PPP1R1C: variants seen among roughly 807,000 people sequenced by gnomAD.
PPP1R1C encodes protein phosphatase 1 regulatory inhibitor subunit 1C.
A neutral mutation model predicts 17.4 loss-of-function variants in PPP1R1C; 15 were observed. The observed-to-expected ratio is 0.86, with a 90% CI of 0.58 to 1.33. The LOEUF is 1.33. Among genes scored for constraint, PPP1R1C ranks in the 40% most tolerant of loss-of-function variants. PPP1R1C has a pLI of 0.00. For missense variants in PPP1R1C, 143 were observed against 130.0 expected (o/e 1.10, Z -0.48); for synonymous variants, 35 against 43.1 (o/e 0.81, Z 0.73).
At chr2:182,099,188 T>C (rs1010906851) in intron 4 of PPP1R1C, among the ~76,000 whole-genome samples, 11 of 152,218 alleles carry the variant, frequency 7.2e-5, no homozygotes, top group South Asian at 2.1e-4. Flanking sequence ...ACTCATGTAA[T>C]CTTCAGCAGC....
intron 2 of PPP1R1C, among the ~76,000 whole-genome samples, chr2:182,026,631 A>C (rs1014631060): frequency 6.6e-6 from 1 of 152,090 alleles, no homozygotes; most frequent in Non-Finnish European, 1.5e-5. Flanking sequence ...TATAGTTTGA[A>C]GTCAGGTAGT....
At chr2:181,993,764 T>C (rs533020042) in intron 2 of PPP1R1C, among the ~76,000 whole-genome samples, 1 of 152,260 alleles carries the variant, frequency 6.6e-6, no homozygotes, top group South Asian at 2.1e-4. Context: ...TTCCCTTAAC[T>C]CTTCAGTATG....
chr2:181,995,612 G>GA lies in PPP1R1C; in HGVS notation c.142+7719dup, dbSNP rs572840030. ...CAGTTGTTCAGTTTCAAATTTGATA[G>GA]AAAAAATTACTAACAGTTCTTTCTA... On this transcript the variant is annotated intron_variant, in intron 2 of 4. Coordinates refer to ENST00000682840, the MANE Select transcript of PPP1R1C (RefSeq NM_001080545.3). Among the ~76,000 whole-genome samples the GA allele has an allele frequency of 9.9e-5, 15 of 152,252 alleles. No individual in the cohort carries two copies. In the South Asian group the frequency reaches 2.7e-3, roughly 27 times the overall value.
chr2:182,023,904 G>C (rs1174565979), intron 2 of PPP1R1C: 1 of 151,994 alleles, frequency 6.6e-6, no homozygotes, highest in African/African-American at 2.4e-5. Flanking sequence ...TCAGAGTGCT[G>C]GGGTTACAGG....
chr2:182,056,234 G>A (rs887245964), intron 2 of PPP1R1C, among the ~76,000 whole-genome samples: 13 of 152,272 alleles, frequency 8.5e-5, no homozygotes, highest in African/African-American at 2.4e-4. Flanking sequence ...TCTTTCACAC[G>A]AAGTCAGTTC....
intron 4 of PPP1R1C, among the ~76,000 whole-genome samples, chr2:182,105,701 T>C (rs557872909): frequency 6.6e-6 from 1 of 152,314 alleles, no homozygotes; most frequent in African/African-American, 2.4e-5. Flanking sequence ...TATAGTCTGA[T>C]AGCAGGTGCT....
At chr2:181,973,544 A>C (rs758662412) in intron 1 of PPP1R1C, among the ~76,000 whole-genome samples, 10 of 152,250 alleles carry the variant, frequency 6.6e-5, no homozygotes, top group Non-Finnish European at 1.3e-4. Flanking sequence ...TAAGCAGAAG[A>C]AGCAAGACAG....
intron 2 of PPP1R1C, among the ~76,000 whole-genome samples, chr2:182,032,075 A>G (rs560167773): frequency 3.3e-5 from 5 of 152,220 alleles, no homozygotes; most frequent in Non-Finnish European, 5.9e-5. Flanking sequence ...TTTCCTAAAC[A>G]TTTAAATTTG....
chr2:182,121,041 T>C (rs1469393167), downstream of PPP1R1C, among the ~76,000 whole-genome samples: 5 of 152,208 alleles, frequency 3.3e-5, no homozygotes, highest in Non-Finnish European at 7.3e-5. Flanking sequence ...ACTTTACTTT[T>C]CACACAATTA....
chr2:181,987,916 TG>T lies in PPP1R1C; in HGVS notation c.142+18del. On this transcript the variant is annotated intron_variant, in intron 2 of 4. Coordinates refer to ENST00000682840, the MANE Select transcript of PPP1R1C (RefSeq NM_001080545.3). ...ACCCCCCAGGTAAAGAAGCATGATG[TG>T]TTTCACACTGATGGAACAGAATGGA... is the stretch of plus-strand genomic sequence containing the variant. The T allele has an allele frequency of 6.3e-7, 1 of 1,586,956 alleles. No homozygotes were observed. Among genetic ancestry groups the T allele is most frequent in the South Asian group, 1.1e-5 (1 of 89,950 alleles).
chr2:182,083,235 T>A (rs995451174), intron 4 of PPP1R1C, among the ~76,000 whole-genome samples: 7 of 152,226 alleles, frequency 4.6e-5, no homozygotes, highest in African/African-American at 1.7e-4. Flanking sequence ...AGGTTGAAAG[T>A]GAATTTTTTC....
intron 2 of PPP1R1C, among the ~76,000 whole-genome samples, chr2:182,007,446 A>G (rs1307160176): frequency 1.3e-5 from 2 of 152,244 alleles, no homozygotes; most frequent in Non-Finnish European, 1.5e-5. Flanking sequence ...CTAACATTTC[A>G]TAGCAGACAC....
intron 2 of PPP1R1C, among the ~76,000 whole-genome samples, chr2:182,023,026 G>C (rs181052270): frequency 6.6e-6 from 1 of 152,046 alleles, no homozygotes; most frequent in African/African-American, 2.4e-5. Flanking sequence ...ATAGTTTGTC[G>C]TATCAAAATA....
chr2:182,061,455 G>A lies in PPP1R1C; in HGVS notation c.156G>A (p.Lys52=), dbSNP rs1438275207. The change falls in exon 3 of 5, where the codon AAG becomes AAA. Residue 52 remains lysine (K), a synonymous_variant. Coordinates refer to ENST00000682840, the MANE Select transcript of PPP1R1C (RefSeq NM_001080545.3). ...NEHNPPEIDD[K]RGPNTQGELQ... ...CTTCTCTTACAGAAATAGATGACAA[G>A]AGGGGGCCCAACACACAAGGGGAAG... 2.0e-6 allele frequency: 3 copies of A among 1,475,086 alleles called. No homozygotes were observed. The highest frequency in any genetic ancestry group is 1.4e-5 in the South Asian group (1 of 73,296). The allele number at this position is 1,475,086 out of a possible 1,614,324, so 91.4% of individuals were successfully genotyped here.
chr2:181,988,812 G>A (rs1053460005), intron 2 of PPP1R1C, among the ~76,000 whole-genome samples: 18 of 152,058 alleles, frequency 1.2e-4, no homozygotes, highest in Non-Finnish European at 1.6e-4. Flanking sequence ...TAAAAAGAAC[G>A]TAAACTAATA....
At chr2:181,984,508 C>T (rs75941853), upstream of PPP1R1C, among the ~76,000 whole-genome samples, 572 of 152,256 alleles carry the variant, frequency 3.8e-3, 3 homozygotes, top group African/African-American at 0.013. Flanking sequence ...AATTTCCCTT[C>T]GACACTACAC....
chr2:182,127,510 A>G (rs949599506), intron 5 of PPP1R1C, among the ~76,000 whole-genome samples: 1 of 152,066 alleles, frequency 6.6e-6, no homozygotes, highest in African/African-American at 2.4e-5. Flanking sequence ...GGCAATTTTC[A>G]TTTTTCTCAA....
intron 2 of PPP1R1C, among the ~76,000 whole-genome samples, chr2:182,000,113 G>C (rs1201721362): frequency 1.3e-5 from 2 of 152,134 alleles, no homozygotes; most frequent in African/African-American, 4.8e-5. Context: ...GCACGAGTAA[G>C]CATAATATGT....
At position 182,016,509 on chromosome 2, in the gene PPP1R1C, G is replaced by A. The variant is rs146666155; in HGVS notation, c.142+28610G>A. Among the ~76,000 whole-genome samples, 399 of 152,222 alleles carry A rather than the reference G, an allele frequency of 2.6e-3. 2 individuals carry two copies. Among genetic ancestry groups the A allele is most frequent in the African/African-American group, 9.2e-3 (380 of 41,518 alleles). On this transcript the variant is annotated intron_variant, in intron 2 of 4. Transcript: ENST00000682840. The stretch of plus-strand genomic sequence containing the variant: ...ATTTCTTTATCTGGAATATAGTGTA[G>A]TATTATTCACTTTATGTAAATATTA...
Sources: allele counts gnomAD v4.1 joint callset (sites outside exome capture counted in the v4.1 genomes callset), GRCh38; gene constraint gnomAD v4.1.1; transcripts MANE v1.5; gene names NCBI Gene and HGNC (gene_info 2026-07-23, HGNC 2026-07-21).